Variants in SDCCAG8 observed in about 807,000 individuals in gnomAD.
The protein encoded by SDCCAG8 is SHH signaling and ciliogenesis regulator SDCCAG8.
SDCCAG8 carries 74 observed loss-of-function variants against 101.8 expected under a neutral mutation model. The observed-to-expected ratio is 0.73, with a 90% confidence interval of 0.60 to 0.88. The LOEUF is 0.88. SDCCAG8 is among the 40% of genes least tolerant of loss of function. The probability of loss-of-function intolerance (pLI) is 0.00; values close to 1 mark genes in which losing one functional copy is unlikely to be tolerated. For missense variants in SDCCAG8, 787 were observed against 822.6 expected (o/e 0.96, Z 0.53); for synonymous variants, 281 against 292.9 (o/e 0.96, Z 0.41).
chr1:243,446,483 C>G (rs1207549408), intron 16 of SDCCAG8, among the ~76,000 whole-genome samples: 1 of 152,178 alleles, frequency 6.6e-6, no homozygotes, highest in Non-Finnish European at 1.5e-5. Flanking sequence ...CCAGGCTGGT[C>G]TCGAACTCCT....
rs189146529 is a variant in SDCCAG8 at position 243,295,108 on chromosome 1, T to C, written c.675+1889T>C. The stretch of plus-strand genomic sequence containing the variant: ...GACTAAGTAAATTGTATCTTTTTTT[T>C]CCCTCTCTGAATAATTTACAGTAGC... On this transcript the variant is annotated intron_variant, in intron 6 of 17. Coordinates refer to ENST00000366541, the MANE Select transcript of SDCCAG8 (RefSeq NM_006642.5). 1.4e-3 allele frequency among the ~76,000 whole-genome samples: 218 copies of C among 152,306 alleles called. 1 individual carries two copies. Among genetic ancestry groups the C allele is most frequent in the African/African-American group, 5.0e-3 (208 of 41,566 alleles).
At chr1:243,454,737 C>A (rs2083612096) in intron 16 of SDCCAG8, among the ~76,000 whole-genome samples, 2 of 152,304 alleles carry the variant, frequency 1.3e-5, no homozygotes, top group South Asian at 4.1e-4. Flanking sequence ...GTACTATCTT[C>A]TGTTTGTCCC....
intron 1 of SDCCAG8, chr1:243,269,090 A>G (rs2067870831): frequency 6.6e-6 from 1 of 152,440 alleles, no homozygotes; most frequent in South Asian, 2.1e-4. Flanking sequence ...AGGTCTCTCC[A>G]GCAGGGTAGT....
chr1:243,280,970 A>C (rs2149277147), intron 4 of SDCCAG8, among the ~76,000 whole-genome samples: 1 of 152,330 alleles, frequency 6.6e-6, no homozygotes, highest in East Asian at 1.9e-4. Context: ...TGATTTTTAT[A>C]ATTTTTGACA....
chr1:243,266,962 A>AAT (rs74162265), intron 1 of SDCCAG8, among the ~76,000 whole-genome samples: 1 of 148,008 alleles, frequency 6.8e-6, no homozygotes, highest in Non-Finnish European at 1.5e-5. Context: ...AAAAAAAAAA[A>AAT]TGCTGGGCGC....
intron 12 of SDCCAG8, among the ~76,000 whole-genome samples, chr1:243,374,607 T>TG (rs2077484595): frequency 6.6e-6 from 1 of 152,096 alleles, no homozygotes; most frequent in Non-Finnish European, 1.5e-5. Flanking sequence ...AACAATCAAG[T>TG]GTACACATAC....
intron 16 of SDCCAG8, among the ~76,000 whole-genome samples, chr1:243,450,549 T>G (rs1004664030): frequency 6.6e-6 from 1 of 152,240 alleles, no homozygotes; most frequent in Non-Finnish European, 1.5e-5. Flanking sequence ...TGGGAAAGCA[T>G]GTATTCTAGC....
intron 13 of SDCCAG8, among the ~76,000 whole-genome samples, chr1:243,391,013 G>T (rs2078665589): frequency 6.6e-6 from 1 of 152,092 alleles, no homozygotes; most frequent in South Asian, 2.1e-4. Context: ...TGCCCAGCCT[G>T]GCTTCAAACT....
chr1:243,467,128 G>A lies in SDCCAG8; in HGVS notation c.1986-21886G>A, dbSNP rs7556464. 5.7e-3 allele frequency among the ~76,000 whole-genome samples: 863 copies of A among 152,340 alleles called. 9 individuals are homozygous for A. The highest frequency in any genetic ancestry group is 0.019 in the African/African-American group (794 of 41,576). On this transcript the variant is annotated intron_variant, in intron 16 of 17. Coordinates refer to ENST00000366541, the MANE Select transcript of SDCCAG8 (RefSeq NM_006642.5). The stretch of plus-strand genomic sequence containing the variant: ...CATCTCCATTCACAACCTATTGTGC[G>A]TAGACCCTCCTGGACACTGCTATTG...
rs773312170 is a variant in SDCCAG8, at chr1:243,316,799, GC to G, written c.975del (p.Leu326TrpfsTer15). 24 of 1,614,092 alleles carry G rather than the reference GC, an allele frequency of 1.5e-5. No homozygotes were observed. The highest frequency in any genetic ancestry group is 1.8e-5 in the Non-Finnish European group (21 of 1,180,028). Reference sequence around the variant, plus strand: ...TCTGCACTAGTTTCCGTAAGGAGCAGCTTGGCAGATACGCAGCAAAGAGAAG... The same window carrying G: ...TCTGCACTAGTTTCCGTAAGGAGCAGTTGGCAGATACGCAGCAAAGAGAAG... ...LMSALVSVRS[S>X]LADTQQREAS... On this transcript the variant is annotated frameshift_variant, in exon 9 of 18. Transcript: ENST00000366541. LOFTEE classifies it high-confidence loss of function.
At chr1:243,271,364 TATA>T (rs889704058) in intron 3 of SDCCAG8, among the ~76,000 whole-genome samples, 32 of 148,702 alleles carry the variant, frequency 2.2e-4, no homozygotes, top group African/African-American at 7.3e-4. Context: ...AATAAATTAA[TATA>T]ATAAATTATA....
intron 1 of SDCCAG8, among the ~76,000 whole-genome samples, chr1:243,262,802 A>G (rs1317632058): frequency 6.6e-6 from 1 of 152,236 alleles, no homozygotes; most frequent in Non-Finnish European, 1.5e-5. Context: ...TCAGAGTCCA[A>G]AAGTAGACAA....
chr1:243,296,555 T>TTTTTTTG (rs2070910567), intron 6 of SDCCAG8, among the ~76,000 whole-genome samples: 1 of 139,522 alleles, frequency 7.2e-6, no homozygotes, highest in Non-Finnish European at 1.6e-5. Flanking sequence ...TTTTTTTTTT[T>TTTTTTTG]TTTTTGAGAC....
At chr1:243,288,236 C>A (rs1344827478) in intron 5 of SDCCAG8, among the ~76,000 whole-genome samples, 1 of 152,096 alleles carries the variant, frequency 6.6e-6, no homozygotes. Context: ...AGGATGATCA[C>A]ACGAACGGAT....
chr1:243,493,163 G>A (rs1558549817), intron 17 of SDCCAG8, among the ~76,000 whole-genome samples: 1 of 143,026 alleles, frequency 7.0e-6, no homozygotes, highest in African/African-American at 2.5e-5. Flanking sequence ...GGGCTGGGTA[G>A]TCGCACTCTC....
chr1:243,316,081 T>C (rs1390711958), intron 8 of SDCCAG8, among the ~76,000 whole-genome samples: 1 of 152,186 alleles, frequency 6.6e-6, no homozygotes, highest in African/African-American at 2.4e-5. Context: ...AATAAACAGC[T>C]TAGGATAGAG....
At chr1:243,336,744 C>A (rs1464802284) in intron 10 of SDCCAG8, among the ~76,000 whole-genome samples, 1 of 152,148 alleles carries the variant, frequency 6.6e-6, no homozygotes, top group African/African-American at 2.4e-5. Flanking sequence ...CAAACCATAT[C>A]ATTCATGAGT....
intron 11 of SDCCAG8, among the ~76,000 whole-genome samples, chr1:243,342,470 G>A (rs538788105): frequency 3.3e-5 from 5 of 152,316 alleles, no homozygotes; most frequent in African/African-American, 4.8e-5. Flanking sequence ...AGTAAAGCAG[G>A]GAACTGTAGG....
In SDCCAG8 at chr1:243,344,271, A is replaced by G; in HGVS notation, c.1413A>G (p.Ala471=). 1 of 1,614,088 alleles carries G rather than the reference A, an allele frequency of 6.2e-7. No homozygotes were observed. The highest frequency in any genetic ancestry group is 8.5e-7 in the Non-Finnish European group (1 of 1,179,962). The change falls in exon 12 of 18, where the codon GCA becomes GCG. Residue 471 remains alanine, a synonymous_variant. Transcript: ENST00000366541. ...AAACCAACATGGAGAAGGATGAGGCAGAAAAGGAGCACAGAGAGTTCAGAG... is the reference window on the plus strand; with the variant it reads ...AAACCAACATGGAGAAGGATGAGGCGGAAAAGGAGCACAGAGAGTTCAGAG... ...LNKTNMEKDE[A]EKEHREFRAK... is the part of the protein sequence containing the mutation.
Sources: gnomAD v4.1 joint callset for allele counts (sites outside exome capture counted in the v4.1 genomes callset) on GRCh38, gnomAD v4.1.1 for gene constraint, MANE v1.5 for transcripts, NCBI Gene and HGNC (gene_info 2026-07-23, HGNC 2026-07-21) for gene names.